Variants in CYP19A1 observed in about 807,000 individuals in gnomAD.
The protein encoded by CYP19A1 is aromatase.
A neutral mutation model predicts 44.4 loss-of-function variants in CYP19A1; 32 were observed. The observed-to-expected ratio is 0.72, with a 90% confidence interval of 0.54 to 0.97. CYP19A1 has a LOEUF of 0.97. Among genes scored for constraint, CYP19A1 ranks in the 50% least tolerant of loss-of-function variants. CYP19A1 has a pLI of 0.00. For synonymous variants in CYP19A1, 212 were observed against 215.6 expected (o/e 0.98, Z 0.14); for missense variants, 598 against 637.8 (o/e 0.94, Z 0.67).
chr15:51,276,063 C>G (rs1386333124), intron 1 of CYP19A1, among the ~76,000 whole-genome samples: 1 of 152,210 alleles, frequency 6.6e-6, no homozygotes, highest in Admixed American at 6.5e-5. Context: ...CTAGGAAGCT[C>G]TCACTGATAG....
intron 1 of CYP19A1, 60 bp from the exon 2 acceptor site, chr15:51,243,010 C>T (rs1374584424): frequency 1.2e-6 from 1 of 850,572 alleles, no homozygotes; most frequent in East Asian, 2.4e-5. Flanking sequence ...ATCTATAGCT[C>T]CTGTTGCTTC....
At position 51,304,901 on chromosome 15, in the gene CYP19A1, T is replaced by C. The variant is rs969145252; in HGVS notation, c.-39+33594A>G. Among the ~76,000 whole-genome samples, 70 of 141,828 alleles carry C rather than the reference T, an allele frequency of 4.9e-4. 1 individual carries two copies. Among genetic ancestry groups the C allele is most frequent in the Non-Finnish European group, 8.9e-4 (59 of 66,088 alleles). The allele number at this position is 141,828 out of a possible 152,430, so 93.0% of individuals were successfully genotyped here. The stretch of plus-strand genomic sequence containing the variant: ...AATTGTGTCTCTTCCTTTTTTTTTT[T>C]TTTTTTTTTTTTTTTGAGACAGGGT... On this transcript the variant is annotated intron_variant, in intron 1 of 9. Coordinates refer to ENST00000396402, the MANE Select transcript of CYP19A1 (RefSeq NM_000103.4).
chr15:51,223,570 T>TGC (rs2141065862), intron 4 of CYP19A1, among the ~76,000 whole-genome samples: 2 of 47,774 alleles, frequency 4.2e-5, no homozygotes, highest in Non-Finnish European at 9.7e-5. Flanking sequence ...CTCTCTCTCT[T>TGC]GCTCTCTCTC....
chr15:51,299,252 C>G (rs555219133), intron 1 of CYP19A1, among the ~76,000 whole-genome samples: 1 of 152,360 alleles, frequency 6.6e-6, no homozygotes, highest in African/African-American at 2.4e-5. Flanking sequence ...CTCATCCCCG[C>G]CTCCAACAAG....
intron 1 of CYP19A1, among the ~76,000 whole-genome samples, chr15:51,245,559 T>G (rs370735226): frequency 2.6e-5 from 4 of 151,944 alleles, no homozygotes; most frequent in Non-Finnish European, 2.9e-5. Flanking sequence ...CACAGCAAAA[T>G]AAACTACCAT....
chr15:51,279,459 A>G (rs1275555121), intron 1 of CYP19A1, among the ~76,000 whole-genome samples: 1 of 152,186 alleles, frequency 6.6e-6, no homozygotes, highest in Non-Finnish European at 1.5e-5. Flanking sequence ...GAAGACCCAC[A>G]ACCAACTTGA....
At chr15:51,230,311 A>T (rs948952946) in intron 3 of CYP19A1, among the ~76,000 whole-genome samples, 1 of 152,176 alleles carries the variant, frequency 6.6e-6, no homozygotes, top group Admixed American at 6.5e-5. Context: ...TATACTGATT[A>T]TTTGGGAGAG....
intron 1 of CYP19A1, among the ~76,000 whole-genome samples, chr15:51,272,583 G>A (rs1460281670): frequency 6.6e-6 from 1 of 152,162 alleles, no homozygotes; most frequent in Non-Finnish European, 1.5e-5. Flanking sequence ...ACAGAACCTG[G>A]CACAGAGAAC....
intron 4 of CYP19A1, among the ~76,000 whole-genome samples, chr15:51,225,859 G>A (rs928415656): frequency 2.0e-5 from 3 of 152,008 alleles, no homozygotes; most frequent in African/African-American, 7.3e-5. Context: ...GGAGGCTGAG[G>A]TGGGCAAATC....
At chr15:51,253,008 G>A (rs547709461) in intron 1 of CYP19A1, among the ~76,000 whole-genome samples, 8 of 152,248 alleles carry the variant, frequency 5.3e-5, no homozygotes, top group Non-Finnish European at 1.0e-4. Flanking sequence ...GGCATTGCAG[G>A]TAGAGAGAAT....
chr15:51,326,868 C>T (rs2036616289), intron 1 of CYP19A1, among the ~76,000 whole-genome samples: 1 of 152,146 alleles, frequency 6.6e-6, no homozygotes, highest in African/African-American at 2.4e-5. Flanking sequence ...TGTGTAATTC[C>T]TCTGAATCGT....
intron 1 of CYP19A1, among the ~76,000 whole-genome samples, chr15:51,319,380 T>C (rs2036487640): frequency 6.6e-6 from 1 of 152,228 alleles, no homozygotes; most frequent in African/African-American, 2.4e-5. Flanking sequence ...TTTAAGTAAT[T>C]TAAATTTATG....
At chr15:51,316,715 T>TAAA (rs112693981) in intron 1 of CYP19A1, among the ~76,000 whole-genome samples, 1 of 140,222 alleles carries the variant, frequency 7.1e-6, no homozygotes, top group East Asian at 2.0e-4. Flanking sequence ...CTCTGTCTCT[T>TAAA]AAAAAAAAAA....
chr15:51,213,673 C>T (rs1436811166), intron 8 of CYP19A1, among the ~76,000 whole-genome samples: 1 of 152,136 alleles, frequency 6.6e-6, no homozygotes, highest in Admixed American at 6.5e-5. Context: ...TTTGCAGAGG[C>T]CTTTTGAAGT....
At chr15:51,284,798 A>G (rs989198993) in intron 1 of CYP19A1, among the ~76,000 whole-genome samples, 2 of 152,258 alleles carry the variant, frequency 1.3e-5, no homozygotes, top group Non-Finnish European at 1.5e-5. Context: ...GAAAAAGGAA[A>G]GATAATTATA....
chr15:51,307,146 G>A (rs17647802), intron 1 of CYP19A1, among the ~76,000 whole-genome samples: 3,407 of 152,264 alleles, frequency 0.022, 114 homozygotes, highest in East Asian at 0.14. Flanking sequence ...GAAAGCAAAC[G>A]TGCCATGAAG....
intron 9 of CYP19A1, among the ~76,000 whole-genome samples, 186 bp from the exon 10 acceptor site, chr15:51,211,242 C>G (rs564736713): frequency 3.3e-5 from 5 of 152,186 alleles, no homozygotes; most frequent in Admixed American, 2.6e-4. Context: ...TCATTCACCC[C>G]CTGTGTTCTG....
chr15:51,249,470 G>C (rs1309723982), intron 1 of CYP19A1, among the ~76,000 whole-genome samples: 1 of 152,134 alleles, frequency 6.6e-6, no homozygotes, highest in Non-Finnish European at 1.5e-5. Flanking sequence ...CATGGGTCTT[G>C]GACTACTACT....
At chr15:51,228,284 A>G (rs1482999504) in intron 3 of CYP19A1, among the ~76,000 whole-genome samples, 1 of 152,120 alleles carries the variant, frequency 6.6e-6, no homozygotes, top group Non-Finnish European at 1.5e-5. Flanking sequence ...CCTCCATACC[A>G]CCAGAGCCAG....
Sources: allele counts gnomAD v4.1 joint callset (sites outside exome capture counted in the v4.1 genomes callset), GRCh38; gene constraint gnomAD v4.1.1; transcripts MANE v1.5; gene names NCBI Gene and HGNC (gene_info 2026-07-23, HGNC 2026-07-21).